The following CADPS variants were observed in gnomAD, a reference collection of about 807,000 sequenced individuals.
CADPS encodes calcium-dependent secretion activator 1.
CADPS carries 57 observed loss-of-function variants against 167.3 expected under a neutral mutation model. That is an observed-to-expected ratio of 0.34 (90% CI 0.28 to 0.42). The LOEUF is 0.42. Ranked by LOEUF, CADPS falls within the 20% of genes least tolerant of loss-of-function variation. The pLI, the probability that CADPS is intolerant of heterozygous loss-of-function variation, is 1.00. For missense variants in CADPS, 1,414 were observed against 1,738.1 expected (o/e 0.81, Z 3.32); for synonymous variants, 676 against 635.3 (o/e 1.06, Z -0.96).
In CADPS at chr3:62,451,902, T is replaced by A. The variant is rs541597619; in HGVS notation, c.3637-6105A>T. On this transcript the variant is annotated intron_variant, in intron 26 of 29. Coordinates refer to ENST00000383710, the MANE Select transcript of CADPS (RefSeq NM_003716.4). Reference sequence around the variant, plus strand: ...GTCAAGGCAATTCAGTATGTAAAAATGTTACTCAGTGCCATGCCTAAAATC... The same window carrying A: ...GTCAAGGCAATTCAGTATGTAAAAAAGTTACTCAGTGCCATGCCTAAAATC... 7.2e-5 allele frequency among the ~76,000 whole-genome samples: 11 copies of A among 152,280 alleles called. No homozygotes were observed. The East Asian group carries it at 2.1e-3, about 29-fold the overall frequency.
At chr3:62,546,780 C>T (rs1014087126) in intron 11 of CADPS, among the ~76,000 whole-genome samples, 1 of 152,052 alleles carries the variant, frequency 6.6e-6, no homozygotes, top group African/African-American at 2.4e-5. Context: ...TTTCAAATTA[C>T]ATGGGAGGAT....
rs11917089 is a variant in CADPS, at chr3:62,469,072, A to T, written c.3478-2659T>A. Among the ~76,000 whole-genome samples, 939 of 152,232 alleles carry T rather than the reference A, an allele frequency of 6.2e-3. 6 individuals carry two copies. Among genetic ancestry groups the T allele is most frequent in the African/African-American group, 0.021 (860 of 41,536 alleles). ...TTCTCTAAACTCACCTAAAATCTCT[A>T]TATTTTGTTGTATGTAAATTATGCC... On this transcript the variant is annotated intron_variant, in intron 24 of 29. Coordinates refer to ENST00000383710, the MANE Select transcript of CADPS (RefSeq NM_003716.4).
intron 4 of CADPS, among the ~76,000 whole-genome samples, chr3:62,658,679 C>T (rs994660609): frequency 2.0e-5 from 3 of 152,020 alleles, no homozygotes. Context: ...GGAGTGCTTC[C>T]CAATTCATAA....
chr3:62,583,865 T>A (rs1392329093), intron 8 of CADPS, among the ~76,000 whole-genome samples: 1 of 152,184 alleles, frequency 6.6e-6, no homozygotes, highest in Admixed American at 6.5e-5. Context: ...TCTGCTCATC[T>A]ACTGGGAAGT....
chr3:62,479,623 A>G (rs1461765314), intron 22 of CADPS, among the ~76,000 whole-genome samples: 3 of 152,268 alleles, frequency 2.0e-5, no homozygotes, highest in Admixed American at 6.5e-5. Context: ...GCCTGGACCA[A>G]CAGGGTAATG....
At chr3:62,491,550 C>A (rs1377583544) in intron 20 of CADPS, 70 bp from the exon 21 acceptor site, 4 of 900,564 alleles carry the variant, frequency 4.4e-6, no homozygotes, top group Non-Finnish European at 5.1e-6. Flanking sequence ...CACACACACA[C>A]ACACACAAAC....
intron 26 of CADPS, 133 bp from the exon 27 acceptor site, chr3:62,445,930 C>A: frequency 1.9e-6 from 1 of 537,192 alleles, no homozygotes; most frequent in Non-Finnish European, 3.1e-6. Context: ...CAGAAAGGTA[C>A]TAGAAAATAA....
chr3:62,765,822 G>GGCAT (rs1449028580), intron 2 of CADPS, 49 bp downstream of exon 2: 2 of 1,259,576 alleles, frequency 1.6e-6, no homozygotes, highest in South Asian at 2.5e-5. Flanking sequence ...AGACTCCCCA[G>GGCAT]GCATAGGGCT....
intron 1 of CADPS, among the ~76,000 whole-genome samples, chr3:62,800,039 C>G (rs551846055): frequency 6.6e-6 from 1 of 152,244 alleles, no homozygotes; most frequent in African/African-American, 2.4e-5. Flanking sequence ...TTCCTAAGCT[C>G]AGGGTTCCTT....
chr3:62,519,567 G>C (rs1260006247), intron 13 of CADPS, among the ~76,000 whole-genome samples: 1 of 152,060 alleles, frequency 6.6e-6, no homozygotes, highest in Non-Finnish European at 1.5e-5. Context: ...ATAAACAACA[G>C]GTAGGTTGCC....
Position 62,555,654 on chromosome 3 carries a change from A to G in CADPS, c.1753+1751T>C, listed in dbSNP as rs77849182. Among the ~76,000 whole-genome samples, 91 of 152,306 alleles carry G rather than the reference A, an allele frequency of 6.0e-4. 1 individual carries two copies. In the East Asian group the frequency reaches 0.016, roughly 26 times the overall value. ...GGGAAAGGAAAATGAACTGGCTTAA[A>G]AGCAATTATTGTCATAAGGTGGTAT... On this transcript the variant is annotated intron_variant, in intron 10 of 29. Coordinates refer to ENST00000383710, the MANE Select transcript of CADPS (RefSeq NM_003716.4).
At chr3:62,586,741 G>A (rs1159200374) in intron 7 of CADPS, among the ~76,000 whole-genome samples, 1 of 152,122 alleles carries the variant, frequency 6.6e-6, no homozygotes, top group African/African-American at 2.4e-5. Context: ...CCCTACTTTA[G>A]TACAATGTTG....
At chr3:62,854,109 A>C in intron 1 of CADPS, among the ~76,000 whole-genome samples, 1 of 152,184 alleles carries the variant, frequency 6.6e-6, no homozygotes, top group East Asian at 1.9e-4. Context: ...ATATATTTGG[A>C]ATGAACTAAA....
chr3:62,746,518 T>C (rs1386381945), intron 3 of CADPS, among the ~76,000 whole-genome samples: 1 of 152,136 alleles, frequency 6.6e-6, no homozygotes, highest in Non-Finnish European at 1.5e-5. Flanking sequence ...TTAAATGTTT[T>C]GTAGAGATAG....
intron 6 of CADPS, among the ~76,000 whole-genome samples, chr3:62,594,647 C>A (rs2086888460): frequency 6.6e-6 from 1 of 152,196 alleles, no homozygotes; most frequent in Non-Finnish European, 1.5e-5. Flanking sequence ...ATCCTTCCAC[C>A]TCAGTCTCCT....
intron 1 of CADPS, among the ~76,000 whole-genome samples, chr3:62,774,674 C>A (rs957430196): frequency 1.1e-4 from 17 of 152,020 alleles, no homozygotes; most frequent in African/African-American, 4.1e-4. Context: ...TTTTCCAAAA[C>A]AAAATAATAG....
chr3:62,834,065 G>C (rs2075541218), intron 1 of CADPS, among the ~76,000 whole-genome samples: 1 of 151,980 alleles, frequency 6.6e-6, no homozygotes, highest in Admixed American at 6.6e-5. Context: ...TCTCTGTCAT[G>C]GGTCTTTGTA....
chr3:62,522,548 T>TC (rs904118859), intron 13 of CADPS, among the ~76,000 whole-genome samples: 8 of 152,130 alleles, frequency 5.3e-5, no homozygotes, highest in Non-Finnish European at 8.8e-5. Context: ...AGCATTCCTT[T>TC]CCCCGTCTTT....
chr3:62,784,508 T>C (rs1486651184), intron 1 of CADPS, among the ~76,000 whole-genome samples: 1 of 152,196 alleles, frequency 6.6e-6, no homozygotes, highest in African/African-American at 2.4e-5. Flanking sequence ...CACTGATGGA[T>C]ATTAACAGTC....
Sources: allele counts gnomAD v4.1 joint callset (sites outside exome capture counted in the v4.1 genomes callset), GRCh38; gene constraint gnomAD v4.1.1; transcripts MANE v1.5; gene names NCBI Gene and HGNC (gene_info 2026-07-23, HGNC 2026-07-21).